QTMAN: variants seen among roughly 807,000 people sequenced by gnomAD.
QTMAN encodes tRNA-queuosine alpha-mannosyltransferase.
At chr2:144,281,133 C>T in the QTMAN span, among the ~76,000 whole-genome samples, 1 of 149,306 alleles carries the variant, frequency 6.7e-6, no homozygotes, top group Non-Finnish European at 1.5e-5. Flanking sequence ...GTTCAATTCC[C>T]ACCCAGAATA....
chr2:144,013,161 A>C, the QTMAN span, among the ~76,000 whole-genome samples: 1 of 152,324 alleles, frequency 6.6e-6, no homozygotes, highest in Non-Finnish European at 1.5e-5. Context: ...AACTTCCCAA[A>C]GTACATGTTA....
chr2:144,202,620 G>GT, the QTMAN span, among the ~76,000 whole-genome samples: 3 of 152,066 alleles, frequency 2.0e-5, no homozygotes, highest in Admixed American at 1.3e-4. Context: ...TTGGGGATGA[G>GT]TTTTTTTCCC....
chr2:144,132,059 G>T, the QTMAN span, among the ~76,000 whole-genome samples: 2 of 151,632 alleles, frequency 1.3e-5, no homozygotes, highest in Admixed American at 6.6e-5. Context: ...ATATATTCAG[G>T]TGAATATTCA....
the QTMAN span, among the ~76,000 whole-genome samples, chr2:144,246,912 C>A: frequency 6.6e-6 from 1 of 152,174 alleles, no homozygotes; most frequent in Non-Finnish European, 1.5e-5. Context: ...AGCTGGAAGA[C>A]AATGGAACAT....
At chr2:143,980,318 G>A in the QTMAN span, among the ~76,000 whole-genome samples, 1 of 152,100 alleles carries the variant, frequency 6.6e-6, no homozygotes, top group Non-Finnish European at 1.5e-5. Flanking sequence ...GTTTGCTGAG[G>A]AAAATGGCCT....
At chr2:144,224,287 A>C in the QTMAN span, among the ~76,000 whole-genome samples, 4 of 152,196 alleles carry the variant, frequency 2.6e-5, no homozygotes, top group Admixed American at 6.5e-5. Context: ...GCTTGGATAA[A>C]CTTATAAACA....
the QTMAN span, among the ~76,000 whole-genome samples, chr2:144,056,523 C>G: frequency 6.6e-6 from 1 of 152,232 alleles, no homozygotes; most frequent in Admixed American, 6.5e-5. Context: ...CCTCCAATCA[C>G]CACACAAGAA....
At chr2:144,162,504 G>A in the QTMAN span, among the ~76,000 whole-genome samples, 8 of 152,130 alleles carry the variant, frequency 5.3e-5, no homozygotes, top group African/African-American at 1.2e-4. Flanking sequence ...AGGAACTAAG[G>A]AAGAAGTATC....
the QTMAN span, among the ~76,000 whole-genome samples, chr2:144,166,062 G>A: frequency 3.9e-5 from 6 of 151,996 alleles, no homozygotes; most frequent in Non-Finnish European, 5.9e-5. Flanking sequence ...TATGTGAAAT[G>A]TCAACCTGTG....
the QTMAN span, chr2:144,230,461 C>G: frequency 6.6e-5 from 10 of 152,030 alleles, no homozygotes. Context: ...TTTTGGTATG[C>G]AACACCAGGC....
the QTMAN span, chr2:143,945,317 TA>T: frequency 6.6e-6 from 1 of 152,108 alleles, no homozygotes; most frequent in Non-Finnish European, 1.5e-5. Flanking sequence ...GGTGACGAGG[TA>T]ATTTGTTCAC....
At chr2:144,060,821 C>T in the QTMAN span, among the ~76,000 whole-genome samples, 1 of 152,106 alleles carries the variant, frequency 6.6e-6, no homozygotes, top group Non-Finnish European at 1.5e-5. Context: ...AGCATGTAAA[C>T]AGAAATTAAC....
chr2:144,141,551 A>C, the QTMAN span, among the ~76,000 whole-genome samples: 1 of 151,006 alleles, frequency 6.6e-6, no homozygotes, highest in African/African-American at 2.4e-5. Flanking sequence ...AGCTGAATGC[A>C]AAGGTTGAGA....
At chr2:144,263,669 G>C in the QTMAN span, among the ~76,000 whole-genome samples, 74 of 152,320 alleles carry the variant, frequency 4.9e-4, no homozygotes, top group Middle Eastern at 3.4e-3. Flanking sequence ...GTTGCAGTGA[G>C]CCGAGATTGT....
the QTMAN span, among the ~76,000 whole-genome samples, chr2:144,223,254 T>C: frequency 1.3e-5 from 2 of 152,038 alleles, no homozygotes; most frequent in Non-Finnish European, 2.9e-5. Flanking sequence ...TAAGAAGTTA[T>C]TTCTAGAAAA....
the QTMAN span, among the ~76,000 whole-genome samples, chr2:144,210,507 T>C: frequency 3.3e-4 from 50 of 152,166 alleles, no homozygotes; most frequent in Non-Finnish European, 6.9e-4. Flanking sequence ...GAAATTGCAG[T>C]GGATGTTTAC....
At chr2:143,996,559 T>C in the QTMAN span, among the ~76,000 whole-genome samples, 3 of 152,216 alleles carry the variant, frequency 2.0e-5, no homozygotes, top group Non-Finnish European at 4.4e-5. Flanking sequence ...GAATTGACTA[T>C]GGTAGGTGAA....
chr2:144,058,813 C>T, the QTMAN span, among the ~76,000 whole-genome samples: 4 of 152,150 alleles, frequency 2.6e-5, no homozygotes, highest in Admixed American at 6.5e-5. Context: ...GCCTTCTTCC[C>T]TTCTTCTTAG....
the QTMAN span, among the ~76,000 whole-genome samples, chr2:144,047,224 T>C: frequency 6.6e-6 from 1 of 152,096 alleles, no homozygotes; most frequent in South Asian, 2.1e-4. Context: ...TGAGCTGAGA[T>C]TGCACCACTG....
Sources: allele counts gnomAD v4.1 joint callset (sites outside exome capture counted in the v4.1 genomes callset), GRCh38; gene constraint gnomAD v4.1.1; transcripts MANE v1.5; gene names NCBI Gene and HGNC (gene_info 2026-07-23, HGNC 2026-07-21).